The following TMEM230 variants were observed in gnomAD, a reference collection of about 807,000 sequenced individuals.
TMEM230 encodes UPF0414 transmembrane protein C20orf30.
TMEM230 carries 10 observed loss-of-function variants against 15.8 expected under a neutral mutation model. That is an observed-to-expected ratio of 0.63 (90% CI 0.39 to 1.07). The LOEUF (loss-of-function observed/expected upper bound fraction) is 1.07, where lower values mean the gene tolerates loss of function less well. Ranked by LOEUF, TMEM230 falls within the 50% of genes least tolerant of loss-of-function variation. The probability of loss-of-function intolerance (pLI) is 0.01; values close to 1 mark genes in which losing one functional copy is unlikely to be tolerated. For synonymous variants in TMEM230, 67 were observed against 76.9 expected (o/e 0.87, Z 0.68); for missense variants, 165 against 193.3 (o/e 0.85, Z 0.87).
chr20:5,063,050 A>G, the TMEM230 span, among the ~76,000 whole-genome samples: 1 of 152,072 alleles, frequency 6.6e-6, no homozygotes, highest in Admixed American at 6.6e-5. Context: ...CAGTGTCTTC[A>G]GAGATGGACT....
At position 5,100,901 on chromosome 20, in the gene TMEM230, T is replaced by C. The variant is rs766729115; in HGVS notation, c.442A>G (p.Ile148Val). The C allele has an allele frequency of 2.5e-6, 4 of 1,614,026 alleles. No individual in the cohort carries two copies. The highest frequency in any genetic ancestry group is 3.4e-6 in the Non-Finnish European group (4 of 1,180,016). The change falls in exon 5 of 5, where the codon ATT becomes GTT. Residue 148 changes from isoleucine to valine, a missense_variant. Physicochemically the swap from Ile to Val is conservative, Grantham distance 29 (BLOSUM62 3). Transcript: ENST00000342308. ...CCGGGTAGGAACACCAGAATGCCAA[T>C]GATCAGCACTGGAACGGCCCGGTCT... is the stretch of plus-strand genomic sequence containing the variant.
At chr20:5,095,356 C>G (rs1024858659), downstream of TMEM230, among the ~76,000 whole-genome samples, 19 of 152,142 alleles carry the variant, frequency 1.2e-4, no homozygotes, top group African/African-American at 4.6e-4. Flanking sequence ...AATTACACAT[C>G]GTCCCCTTCC....
intron 3 of TMEM230, 60 bp from the exon 3 acceptor site, chr20:5,106,370 C>G: frequency 2.0e-6 from 3 of 1,524,912 alleles, no homozygotes; most frequent in Non-Finnish European, 2.6e-6. Flanking sequence ...TACCTGGGTT[C>G]AAACATTTAA....
chr20:5,069,569 A>G (rs2088758183), intron 3 of TMEM230, among the ~76,000 whole-genome samples: 2 of 151,996 alleles, frequency 1.3e-5, no homozygotes, highest in African/African-American at 4.8e-5. Context: ...CTCTGAAGAG[A>G]GCAGACACCG....
chr20:5,077,590 T>TG (rs1445840683), intron 3 of TMEM230, among the ~76,000 whole-genome samples: 2 of 151,680 alleles, frequency 1.3e-5, no homozygotes, highest in East Asian at 3.9e-4. Context: ...TCCCAGCACT[T>TG]TGGGGGGCTG....
At chr20:5,099,232 A>C (rs201224177), downstream of TMEM230, among the ~76,000 whole-genome samples, 3,103 of 78,778 alleles carry the variant, frequency 0.039, 44 homozygotes, top group Admixed American at 0.068. Flanking sequence ...ATAAATAAAT[A>C]AATCAATCAA....
intron 3 of TMEM230, among the ~76,000 whole-genome samples, chr20:5,106,640 C>G (rs2090106531): frequency 6.6e-6 from 1 of 152,162 alleles, no homozygotes; most frequent in Admixed American, 6.5e-5. Flanking sequence ...CTCCTGACCT[C>G]AGGTGATCCG....
chr20:5,101,814 A>C (rs2089878586), intron 4 of TMEM230, among the ~76,000 whole-genome samples: 1 of 152,202 alleles, frequency 6.6e-6, no homozygotes, highest in African/African-American at 2.4e-5. Flanking sequence ...GCCCATGAGA[A>C]AGAACCACCA....
At position 5,081,864 on chromosome 20, in the gene TMEM230, C is replaced by CTTTTTTTTTTTTTTT. The variant is rs770805896; in HGVS notation, c.223-12516_223-12515insAAAAAAAAAAAAAAA. ...CTCATGTTTGAAATTCACTGATTTT[C>CTTTTTTTTTTTTTTT]TTTTTTTTCTTTTTTTTTTTTTTTT... On this transcript the variant is annotated intron_variant, in intron 3 of 3. Transcript: ENST00000612323. Among the ~76,000 whole-genome samples, 3 of 140,332 alleles carry CTTTTTTTTTTTTTTT rather than the reference C, an allele frequency of 2.1e-5. 1 individual carries two copies. The highest frequency in any genetic ancestry group is 8.9e-5 in the African/African-American group (3 of 33,782). The allele number at this position is 140,332 out of a possible 152,430, so 92.1% of individuals were successfully genotyped here. A position where few individuals can be genotyped will look rare whatever the true frequency, so the allele number is the denominator to read the frequency against.
downstream of TMEM230, among the ~76,000 whole-genome samples, chr20:5,097,438 G>A (rs139148805): frequency 1.3e-5 from 2 of 152,234 alleles, no homozygotes; most frequent in South Asian, 2.1e-4. Context: ...AAAAAGTTAG[G>A]ATATATAGTC....
At chr20:5,092,480 G>A (rs1433057492) in intron 3 of TMEM230, among the ~76,000 whole-genome samples, 5 of 152,180 alleles carry the variant, frequency 3.3e-5, no homozygotes, top group African/African-American at 4.8e-5. Context: ...CACTTTGGGA[G>A]GCCGACGCAG....
At chr20:5,106,444 C>A (rs2090097130) in intron 3 of TMEM230, 134 bp from the exon 3 acceptor site, 5 of 1,132,470 alleles carry the variant, frequency 4.4e-6, no homozygotes, top group Non-Finnish European at 4.8e-6. Context: ...GTTCTTGTTG[C>A]CCAGGCTAGA....
chr20:5,094,735 C>G (rs5023819), intron 3 of TMEM230, among the ~76,000 whole-genome samples: 78,181 of 144,690 alleles, frequency 0.54, 21,661 homozygotes, highest in East Asian at 0.84. Context: ...AAAATTTGTA[C>G]ATCTGCTGCC....
chr20:5,108,249 GTC>G, intron 3 of TMEM230, among the ~76,000 whole-genome samples: 2 of 152,094 alleles, frequency 1.3e-5, no homozygotes, highest in South Asian at 4.1e-4. Context: ...GAGAAACACT[GTC>G]TCTACTAAAA....
At chr20:5,092,483 C>T (rs563005261) in intron 3 of TMEM230, among the ~76,000 whole-genome samples, 1 of 152,140 alleles carries the variant, frequency 6.6e-6, no homozygotes, top group Non-Finnish European at 1.5e-5. Context: ...TTTGGGAGGC[C>T]GACGCAGGCG....
chr20:5,106,651 C>T lies in TMEM230; in HGVS notation c.289-341G>A, dbSNP rs148974611. ...TGAACTCCTGACCTCAGGTGATCCG[C>T]CCGCCTCGGCCTCCCAAAGTGCTGG... On this transcript the variant is annotated intron_variant, in intron 3 of 4. Coordinates refer to ENST00000342308, the MANE Select transcript of TMEM230 (RefSeq NM_001009923.2). Among the ~76,000 whole-genome samples, 267 of 152,296 alleles carry T rather than the reference C, an allele frequency of 1.8e-3. 6 individuals carry two copies. The East Asian group carries it at 0.046, about 26-fold the overall frequency.
intron 3 of TMEM230, among the ~76,000 whole-genome samples, chr20:5,086,933 G>A (rs1171829872): frequency 6.6e-6 from 1 of 152,036 alleles, no homozygotes; most frequent in Non-Finnish European, 1.5e-5. Flanking sequence ...GAGTGCAGTG[G>A]TGTGACCATG....
At chr20:5,101,353 G>A (rs1318256865) in intron 4 of TMEM230, among the ~76,000 whole-genome samples, 3 of 152,128 alleles carry the variant, frequency 2.0e-5, no homozygotes, top group African/African-American at 7.2e-5. Context: ...TTCACCTTTT[G>A]TAATTGTACA....
rs2089812679 is a variant in TMEM230, at chr20:5,100,572, A to G, written c.*219T>C. ...TCTTCCATGATACATATTCCTGTGG[A>G]AAAACTTGTCAGGGCCCAGGGATGA... is the stretch of plus-strand genomic sequence containing the variant. On this transcript the variant is annotated 3_prime_UTR_variant, in exon 5 of 5. Coordinates refer to ENST00000342308, the MANE Select transcript of TMEM230 (RefSeq NM_001009923.2). 1 of 1,338,544 alleles carries G rather than the reference A, an allele frequency of 7.5e-7. No individual in the cohort carries two copies. Among genetic ancestry groups the G allele is most frequent in the Admixed American group, 3.4e-5 (1 of 29,278 alleles). The allele number at this position is 1,338,544 out of a possible 1,614,324, so 82.9% of individuals were successfully genotyped here. A position where few individuals can be genotyped will look rare whatever the true frequency, so the allele number is the denominator to read the frequency against.
Sources: allele counts gnomAD v4.1 joint callset (sites outside exome capture counted in the v4.1 genomes callset), GRCh38; gene constraint gnomAD v4.1.1; transcripts MANE v1.5; gene names NCBI Gene and HGNC (gene_info 2026-07-23, HGNC 2026-07-21).